The following PAK1 variants were observed in gnomAD, a reference collection of about 807,000 sequenced individuals.
PAK1 encodes the protein p21 (RAC1) activated kinase 1.
In PAK1, 29 loss-of-function variants were observed where a neutral mutation model predicts 67.4. The observed-to-expected ratio is 0.43, with a 90% confidence interval of 0.32 to 0.59. PAK1 has a LOEUF of 0.59. Among genes scored for constraint, PAK1 ranks in the 20% least tolerant of loss-of-function variants. PAK1 has a pLI of 0.07. For missense variants in PAK1, 337 were observed against 670.7 expected, an observed-to-expected ratio of 0.50 and a Z score of 5.50; for synonymous variants, 223 against 237.4, an observed-to-expected ratio of 0.94 and a Z score of 0.56.
chr11:77,386,839 T>A (rs1950507264), intron 2 of PAK1, among the ~76,000 whole-genome samples: 1 of 152,194 alleles, frequency 6.6e-6, no homozygotes, highest in African/African-American at 2.4e-5. Context: ...AGTGGTGTGA[T>A]CTCAGCTCAC....
At chr11:77,498,136 T>A in the PAK1 span, among the ~76,000 whole-genome samples, 1 of 152,148 alleles carries the variant, frequency 6.6e-6, no homozygotes, top group Non-Finnish European at 1.5e-5. Flanking sequence ...GAAACCCAAA[T>A]AAAATCTATA....
intron 9 of PAK1, among the ~76,000 whole-genome samples, chr11:77,345,173 T>C (rs547466970): frequency 6.6e-6 from 1 of 152,188 alleles, no homozygotes; most frequent in African/African-American, 2.4e-5. Flanking sequence ...TTAGTGTGTA[T>C]GTTTGTGTGT....
chr11:77,428,079 C>A (rs1270687576), intron 1 of PAK1, among the ~76,000 whole-genome samples: 1 of 152,200 alleles, frequency 6.6e-6, no homozygotes, highest in Non-Finnish European at 1.5e-5. Context: ...GGGTCAGATA[C>A]TAGAGATCCT....
intron 5 of PAK1, among the ~76,000 whole-genome samples, chr11:77,360,588 T>C (rs1460903260): frequency 1.3e-5 from 2 of 152,204 alleles, no homozygotes; most frequent in African/African-American, 2.4e-5. Flanking sequence ...CCCTGATGTA[T>C]ACTGTAAACA....
the PAK1 span, among the ~76,000 whole-genome samples, chr11:77,501,749 C>T: frequency 6.6e-6 from 1 of 152,172 alleles, no homozygotes; most frequent in Admixed American, 6.5e-5. Flanking sequence ...TAAAGAAAAA[C>T]AAGAGTCAAG....
upstream of PAK1, chr11:77,477,053 C>A (rs930530429): frequency 6.6e-6 from 1 of 152,174 alleles, no homozygotes; most frequent in Non-Finnish European, 1.5e-5. Flanking sequence ...TAATTTGTTA[C>A]AGCATCCATA....
intron 9 of PAK1, among the ~76,000 whole-genome samples, chr11:77,349,016 T>C (rs1944839949): frequency 6.6e-6 from 1 of 151,220 alleles, no homozygotes; most frequent in Non-Finnish European, 1.5e-5. Flanking sequence ...TCCCAGCTAC[T>C]CAGGAGGCTG....
upstream of PAK1, among the ~76,000 whole-genome samples, chr11:77,478,175 GTC>G (rs1491312889): frequency 1.3e-5 from 2 of 152,050 alleles, no homozygotes; most frequent in African/African-American, 2.4e-5. Flanking sequence ...AGAAAACAGA[GTC>G]CAAACTACAC....
chr11:77,470,029 A>T (rs1037087642), intron 1 of PAK1, among the ~76,000 whole-genome samples: 1 of 152,176 alleles, frequency 6.6e-6, no homozygotes, highest in African/African-American at 2.4e-5. Flanking sequence ...AGTGAGATGT[A>T]TTCTTTTGAT....
the PAK1 span, among the ~76,000 whole-genome samples, chr11:77,512,737 A>T: frequency 6.6e-6 from 1 of 152,114 alleles, no homozygotes; most frequent in Non-Finnish European, 1.5e-5. Flanking sequence ...GCTTTTCACT[A>T]TTTTTATTCC....
intron 1 of PAK1, among the ~76,000 whole-genome samples, chr11:77,396,753 G>T (rs542624566): frequency 1.2e-4 from 19 of 152,158 alleles, no homozygotes; most frequent in African/African-American, 4.6e-4. Flanking sequence ...ACACAATTTT[G>T]TGCTTTCTTA....
chr11:77,520,690 GAGGAAAA>G, the PAK1 span, among the ~76,000 whole-genome samples: 7 of 152,214 alleles, frequency 4.6e-5, no homozygotes, highest in African/African-American at 1.7e-4. Flanking sequence ...GAGGACAGAG[GAGGAAAA>G]AGGAAAAAGA....
intron 1 of PAK1, among the ~76,000 whole-genome samples, chr11:77,472,930 T>C (rs1957935710): frequency 6.6e-6 from 1 of 152,140 alleles, no homozygotes; most frequent in South Asian, 2.1e-4. Flanking sequence ...TAGCGAAGGC[T>C]ACAACAATCA....
intron 5 of PAK1, among the ~76,000 whole-genome samples, chr11:77,368,055 G>C (rs1017850318): frequency 6.6e-6 from 1 of 152,210 alleles, no homozygotes; most frequent in Non-Finnish European, 1.5e-5. Flanking sequence ...GAAGCAAGGG[G>C]AAGAAATCAT....
upstream of PAK1, chr11:77,474,667 T>C (rs1958029163): frequency 6.6e-6 from 1 of 152,180 alleles, no homozygotes; most frequent in South Asian, 2.1e-4. Context: ...TTATGTTTTC[T>C]TTCTGTGGGA....
chr11:77,375,640 A>C (rs1236882434), intron 4 of PAK1, among the ~76,000 whole-genome samples: 1 of 152,220 alleles, frequency 6.6e-6, no homozygotes, highest in Non-Finnish European at 1.5e-5. Flanking sequence ...ATAATTGTAC[A>C]TCTTACAATC....
chr11:77,395,866 T>C (rs1951764007), intron 1 of PAK1, among the ~76,000 whole-genome samples: 2 of 152,180 alleles, frequency 1.3e-5, no homozygotes, highest in African/African-American at 4.8e-5. Flanking sequence ...AGATTTACCT[T>C]TGTTTTCCCT....
intron 1 of PAK1, among the ~76,000 whole-genome samples, chr11:77,440,846 C>T (rs887091142): frequency 4.0e-5 from 6 of 150,950 alleles, no homozygotes; most frequent in Admixed American, 2.6e-4. Flanking sequence ...CCTCTATCTG[C>T]CCCTCCCACC....
At chr11:77,479,460 G>A (rs999114699), upstream of PAK1, among the ~76,000 whole-genome samples, 4 of 152,100 alleles carry the variant, frequency 2.6e-5, no homozygotes, top group Admixed American at 6.6e-5. Context: ...AGAGAAGGGG[G>A]AGAAGAAGAG....
Sources: allele counts gnomAD v4.1 joint callset (sites outside exome capture counted in the v4.1 genomes callset), GRCh38; gene constraint gnomAD v4.1.1; transcripts MANE v1.5; gene names NCBI Gene and HGNC (gene_info 2026-07-23, HGNC 2026-07-21).